Variants in STRN observed in about 807,000 individuals in gnomAD.
STRN encodes the protein striatin, also known as protein phosphatase 2 regulatory subunit B'''alpha.
Under a neutral mutation model 96.3 loss-of-function variants are expected in STRN, and 53 were observed. The ratio of observed to expected loss-of-function variants is 0.55; its 90% CI spans 0.44 to 0.69. The LOEUF is 0.69. STRN is among the 30% of genes least tolerant of loss of function. The probability of loss-of-function intolerance (pLI) is 0.00; values close to 1 mark genes in which losing one functional copy is unlikely to be tolerated. For missense variants in STRN, 987 were observed against 963.9 expected (o/e 1.02, Z -0.32); for synonymous variants, 428 against 355.9 (o/e 1.20, Z -2.28).
chr2:36,875,155 G>A (rs139705945), intron 10 of STRN, among the ~76,000 whole-genome samples: 135 of 152,246 alleles, frequency 8.9e-4, no homozygotes, highest in African/African-American at 2.9e-3. Flanking sequence ...GGTACCCACT[G>A]AAGAGTAGCA....
intron 1 of STRN, among the ~76,000 whole-genome samples, chr2:36,928,763 T>G (rs1346050576): frequency 6.7e-6 from 1 of 149,990 alleles, no homozygotes; most frequent in Non-Finnish European, 1.5e-5. Flanking sequence ...ACCAAGATGG[T>G]GAAACCCCAT....
At chr2:36,899,708 A>G (rs1207247012) in intron 5 of STRN, 50 bp from the exon 6 acceptor site, 13 of 1,493,448 alleles carry the variant, frequency 8.7e-6, no homozygotes, top group Non-Finnish European at 5.4e-6. Context: ...TAACTTCGAC[A>G]TAAGAAGTAA....
intron 1 of STRN, among the ~76,000 whole-genome samples, chr2:36,953,106 T>G: frequency 6.6e-6 from 1 of 152,196 alleles, no homozygotes; most frequent in Non-Finnish European, 1.5e-5. Flanking sequence ...GAAACCTGTG[T>G]GTTCAGTAAT....
At chr2:36,872,739 G>C (rs953497665) in intron 10 of STRN, among the ~76,000 whole-genome samples, 1 of 152,142 alleles carries the variant, frequency 6.6e-6, no homozygotes, top group African/African-American at 2.4e-5. Flanking sequence ...ACTCTTTGTG[G>C]GGATAGAATA....
chr2:36,875,414 G>T (rs1033214978), intron 10 of STRN, among the ~76,000 whole-genome samples: 2 of 150,990 alleles, frequency 1.3e-5, no homozygotes, highest in Non-Finnish European at 2.9e-5. Flanking sequence ...GCTGAGGTGG[G>T]AGGATGGCTT....
chr2:36,944,081 T>C (rs1260934649), intron 1 of STRN, among the ~76,000 whole-genome samples: 5 of 152,194 alleles, frequency 3.3e-5, no homozygotes, highest in East Asian at 1.9e-4. Context: ...GATCTCGCCA[T>C]TGCACTCCAA....
Position 36,841,193 on chromosome 2 carries a change from C to T in STRN, c.*8263G>A, listed in dbSNP as rs1217928549. ...TTTTTTTTTTTTAATCAAATCGATT[C>T]TGACAAAAGGAGTTTATTGTCTTGC... is the stretch of plus-strand genomic sequence containing the variant. On this transcript the variant is annotated 3_prime_UTR_variant, in exon 18 of 18. Transcript: ENST00000263918. The T allele has an allele frequency of 2.5e-4, 37 of 145,722 alleles. No homozygotes were observed. Among genetic ancestry groups the T allele is most frequent in the African/African-American group, 8.9e-4 (35 of 39,226 alleles). The allele number at this position is 145,722 out of a possible 1,614,324, so 9.0% of individuals were successfully genotyped here. A position where few individuals can be genotyped will look rare whatever the true frequency, so the allele number is the denominator to read the frequency against.
chr2:36,855,904 G>C (rs1668332517), intron 14 of STRN, among the ~76,000 whole-genome samples: 1 of 151,996 alleles, frequency 6.6e-6, no homozygotes, highest in Non-Finnish European at 1.5e-5. Flanking sequence ...TGAAAACTTA[G>C]AGCTTATTTA....
chr2:36,857,070 G>A (rs1668365350), intron 14 of STRN, among the ~76,000 whole-genome samples: 1 of 150,424 alleles, frequency 6.6e-6, no homozygotes, highest in African/African-American at 2.5e-5. Flanking sequence ...AGTGGTACGA[G>A]AATGGGCAAA....
intron 7 of STRN, among the ~76,000 whole-genome samples, chr2:36,889,170 G>T (rs1437264385): frequency 6.6e-6 from 1 of 152,096 alleles, no homozygotes; most frequent in Non-Finnish European, 1.5e-5. Context: ...CCAGCAAATA[G>T]AAAGCACTTG....
Position 36,855,357 on chromosome 2 carries a change from A to C in STRN, c.1838-5T>G. The stretch of plus-strand genomic sequence containing the variant: ...CAGAGGCAGGGATTCCCAGTTCTGA[A>C]AGAGAACATATTGAAATAGAATGGC... On this transcript the variant is annotated splice_polypyrimidine_tract_variant and splice_region_variant and intron_variant, in intron 14 of 17. Coordinates refer to ENST00000263918, the MANE Select transcript of STRN (RefSeq NM_003162.4). 6.2e-7 allele frequency: 1 copy of C among 1,612,402 alleles called. No individual in the cohort carries two copies. Among genetic ancestry groups the C allele is most frequent in the Non-Finnish European group, 8.5e-7 (1 of 1,179,384 alleles).
In STRN at chr2:36,845,940, CA is replaced by C. The variant is rs1668062230; in HGVS notation, c.*3515del. On this transcript the variant is annotated 3_prime_UTR_variant, in exon 18 of 18. Transcript: ENST00000263918. ...GCACACACACACACACACACACACA[CA>C]CACACACACACTAACTCTCTCTCTC... 7.3e-6 allele frequency: 1 copy of C among 136,568 alleles called. No individual in the cohort carries two copies. The highest frequency in any genetic ancestry group is 2.8e-5 in the African/African-American group (1 of 36,182). The allele number at this position is 136,568 out of a possible 1,614,324, so 8.5% of individuals were successfully genotyped here.
At chr2:36,960,993 C>G (rs950938090) in intron 1 of STRN, among the ~76,000 whole-genome samples, 7 of 152,004 alleles carry the variant, frequency 4.6e-5, no homozygotes, top group African/African-American at 1.7e-4. Flanking sequence ...ATCTCCAGGG[C>G]TCAAGCAATC....
chr2:36,923,887 AT>A (rs1670329554), intron 2 of STRN, among the ~76,000 whole-genome samples: 1 of 152,214 alleles, frequency 6.6e-6, no homozygotes, highest in African/African-American at 2.4e-5. Flanking sequence ...AGGCCCATTC[AT>A]TAAAGCAAAT....
chr2:36,925,170 T>G lies in STRN; in HGVS notation c.273A>C (p.Gln91His), dbSNP rs1170993324. 6.2e-7 allele frequency: 1 copy of G among 1,614,012 alleles called. No homozygotes were observed. Among genetic ancestry groups the G allele is most frequent in the Non-Finnish European group, 8.5e-7 (1 of 1,179,868 alleles). The part of the protein sequence containing the change: ...IAFLQGERKG[Q>H]ENLKKDLVRR... ...TCACAAGATCCTTCTTCAAATTTTC[T>G]TGGCCCTTCCTTTCTCCCTGCAGGA... Residue 91 changes from glutamine (Q) to histidine (H), a missense_variant, in exon 2 of 18, where the codon CAA (glutamine) becomes CAC (histidine). Physicochemically the swap from Gln to His is conservative, Grantham distance 24 (BLOSUM62 0). Transcript: ENST00000263918.
At chr2:36,954,569 A>C (rs1664836800) in intron 1 of STRN, among the ~76,000 whole-genome samples, 1 of 151,510 alleles carries the variant, frequency 6.6e-6, no homozygotes, top group South Asian at 2.1e-4. Flanking sequence ...TTTTAAGATG[A>C]AATAAGGATT....
intron 12 of STRN, among the ~76,000 whole-genome samples, chr2:36,861,530 A>G (rs2148137885): frequency 6.6e-6 from 1 of 152,328 alleles, no homozygotes; most frequent in South Asian, 2.1e-4. Context: ...GTTATAAAAC[A>G]AAACAAAACA....
intron 8 of STRN, among the ~76,000 whole-genome samples, chr2:36,885,071 G>C (rs754126371): frequency 3.3e-5 from 5 of 152,034 alleles, no homozygotes; most frequent in African/African-American, 4.8e-5. Context: ...AAAACCATGT[G>C]CTAGATGTCT....
At chr2:36,871,172 T>C (rs1348373783) in intron 10 of STRN, among the ~76,000 whole-genome samples, 1 of 152,188 alleles carries the variant, frequency 6.6e-6, no homozygotes, top group African/African-American at 2.4e-5. Flanking sequence ...ATTTTTTATA[T>C]ATAATTTAGC....
Sources: gnomAD v4.1 joint callset for allele counts (sites outside exome capture counted in the v4.1 genomes callset) on GRCh38, gnomAD v4.1.1 for gene constraint, MANE v1.5 for transcripts, NCBI Gene and HGNC (gene_info 2026-07-23, HGNC 2026-07-21) for gene names.